Variants in AP3B2 observed in about 807,000 individuals in gnomAD.
AP3B2 encodes the protein AP-3 complex subunit beta-2.
AP3B2 carries 50 observed loss-of-function variants against 126.9 expected under a neutral mutation model. The observed-to-expected ratio is 0.39, with a 90% CI of 0.31 to 0.50. AP3B2 has a LOEUF of 0.50. AP3B2 is among the 20% of genes least tolerant of loss of function. The pLI, the probability that AP3B2 is intolerant of heterozygous loss-of-function variation, is 0.79. For synonymous variants in AP3B2, 541 were observed against 565.0 expected (o/e 0.96, Z 0.60); for missense variants, 1,177 against 1,426.4 (o/e 0.83, Z 2.82).
At position 82,676,636 on chromosome 15, in the gene AP3B2, A is replaced by T. The variant is rs2048246443; in HGVS notation, c.1490T>A (p.Val497Glu). Residue 497 changes from valine (V) to glutamate (E), a missense_variant and splice_region_variant, in exon 14 of 27, where the codon GTG becomes GAG. Physicochemically the swap from Val to Glu is moderately radical, Grantham distance 121. Coordinates refer to ENST00000535359, the MANE Select transcript of AP3B2 (RefSeq NM_001278512.2). ...CAGGATGCTGGCTCGGGCCATGGGC[A>T]CCTGTGGTTGTGGGAGAGGAGTGAA... The part of the protein sequence containing the change: ...HLAKLTDNIQ[V>E]PMARASILWL... The T allele has an allele frequency of 6.2e-7, 1 of 1,613,544 alleles. No individual in the cohort carries two copies. The highest frequency in any genetic ancestry group is 1.7e-5 in the Admixed American group (1 of 59,990).
chr15:82,691,724 CAGTAGGGCCTGA>C, intron 1 of AP3B2: 4 of 1,561,454 alleles, frequency 2.6e-6, no homozygotes, highest in Non-Finnish European at 3.5e-6. Context: ...TCACCTGTCT[CAGTAGGGCCTGA>C]AAGGAGAGAA....
chr15:82,691,512 G>A (rs536523776), intron 1 of AP3B2, among the ~76,000 whole-genome samples: 1 of 151,928 alleles, frequency 6.6e-6, no homozygotes, highest in Non-Finnish European at 1.5e-5. Context: ...TATACAACTT[G>A]TTTCTGAACC....
chr15:82,670,748 A>G (rs11635476), intron 14 of AP3B2, among the ~76,000 whole-genome samples: 30,528 of 152,148 alleles, frequency 0.2, 3,726 homozygotes, highest in South Asian at 0.35. Context: ...AAAGGAATCA[A>G]CAAAGAGACA....
intron 4 of AP3B2, among the ~76,000 whole-genome samples, chr15:82,684,475 G>A (rs917413947): frequency 6.6e-6 from 1 of 152,154 alleles, no homozygotes; most frequent in South Asian, 2.1e-4. Context: ...TATGAATTAG[G>A]CTTTGGCTTA....
At chr15:82,693,268 T>C (rs1684497861) in intron 1 of AP3B2, among the ~76,000 whole-genome samples, 2 of 149,668 alleles carry the variant, frequency 1.3e-5, no homozygotes, top group African/African-American at 4.9e-5. Flanking sequence ...TTTTTTTAGA[T>C]GGAATTTTGC....
At chr15:82,669,378 A>G (rs1335752018) in intron 14 of AP3B2, among the ~76,000 whole-genome samples, 1 of 152,256 alleles carries the variant, frequency 6.6e-6, no homozygotes, top group Non-Finnish European at 1.5e-5. Flanking sequence ...GTAAAGTCGC[A>G]GGATACAAAA....
intron 1 of AP3B2, among the ~76,000 whole-genome samples, chr15:82,704,758 T>C (rs1436356617): frequency 6.6e-6 from 1 of 152,268 alleles, no homozygotes; most frequent in East Asian, 1.9e-4. Flanking sequence ...GGAAGCTTCC[T>C]GGACCATCAC....
intron 4 of AP3B2, chr15:82,687,775 A>G (rs2048455434): frequency 6.6e-6 from 1 of 152,250 alleles, no homozygotes; most frequent in South Asian, 2.1e-4. Context: ...TGAAAAGATG[A>G]GCTGGACCTT....
rs1177488968 is a variant in AP3B2, at chr15:82,659,478, G to A, written c.*82C>T. 6.5e-7 allele frequency: 1 copy of A among 1,544,734 alleles called. No individual in the cohort carries two copies. Among genetic ancestry groups the A allele is most frequent in the Non-Finnish European group, 8.8e-7 (1 of 1,132,676 alleles). ...GGCATGAGGAGGATGATGAGAGAGA[G>A]AGAGAAAGATGAGAGAGACTGACAG... On this transcript the variant is annotated 3_prime_UTR_variant, in exon 27 of 27. Transcript: ENST00000535359.
intron 21 of AP3B2, 160 bp downstream of exon 21, chr15:82,663,400 G>T: frequency 2.0e-6 from 2 of 1,003,558 alleles, no homozygotes; most frequent in Non-Finnish European, 3.1e-6. Context: ...CCCAGACCTG[G>T]GGAGGTCAGC....
intron 25 of AP3B2, among the ~76,000 whole-genome samples, chr15:82,660,916 C>T (rs1336892801): frequency 2.0e-5 from 3 of 152,178 alleles, no homozygotes; most frequent in African/African-American, 7.2e-5. Context: ...GCCGTGGTCT[C>T]CCTCAACCCA....
chr15:82,693,074 G>A (rs1362602024), intron 1 of AP3B2, among the ~76,000 whole-genome samples: 4 of 152,016 alleles, frequency 2.6e-5, no homozygotes, highest in Non-Finnish European at 4.4e-5. Flanking sequence ...AACACCACGA[G>A]ACGATGATAA....
intron 10 of AP3B2, among the ~76,000 whole-genome samples, chr15:82,679,356 T>C (rs1025875869): frequency 6.6e-6 from 1 of 152,208 alleles, no homozygotes; most frequent in African/African-American, 2.4e-5. Flanking sequence ...ACTCCTGACC[T>C]CAGGCGATCT....
At position 82,665,465 on chromosome 15, in the gene AP3B2, T is replaced by C. The variant is rs2151430058; in HGVS notation, c.1963A>G (p.Asn655Asp). 1 of 1,610,182 alleles carries C rather than the reference T, an allele frequency of 6.2e-7. No individual in the cohort carries two copies. The highest frequency in any genetic ancestry group is 8.5e-7 in the Non-Finnish European group (1 of 1,178,806). Residue 655 changes from asparagine to aspartate, a missense_variant, in exon 16 of 27, where the codon AAC becomes GAC. Physicochemically the swap from Asn to Asp is conservative, Grantham distance 23 (BLOSUM62 1). Transcript: ENST00000535359. The surrounding 1 kb of genome is among the most constrained non-coding windows in gnomAD (Gnocchi z 4.4). Reference protein sequence around the residue: ...PEEAPDPSVRNVEEEDLSLIE... With the variant: ...PEEAPDPSVRDVEEEDLSLIE... The stretch of plus-strand genomic sequence containing the variant: ...CCCTCCACCCCGCTGACCTCCACGT[T>C]GCGCACAGATGGGTCTGGGGCTTCC...
chr15:82,682,660 T>A (rs1015133089), intron 4 of AP3B2, among the ~76,000 whole-genome samples: 5 of 151,094 alleles, frequency 3.3e-5, no homozygotes, highest in Non-Finnish European at 5.9e-5. Context: ...GAGGCTGAAG[T>A]GAGCTACATA....
rs61213011 is a variant in AP3B2 at position 82,683,047 on chromosome 15, G to GTTTTT, written c.361-1472_361-1468dup. ...AATGTTCACAGCATCTGCACCAGGA[G>GTTTTT]TTTTTTTTTTTTTTTTTTTTTTTTT... On this transcript the variant is annotated intron_variant, in intron 4 of 26. Coordinates refer to ENST00000535359, the MANE Select transcript of AP3B2 (RefSeq NM_001278512.2). 2.6e-3 allele frequency among the ~76,000 whole-genome samples: 203 copies of GTTTTT among 77,720 alleles called. 38 individuals are homozygous for GTTTTT. Among genetic ancestry groups the GTTTTT allele is most frequent in the East Asian group, 4.2e-3 (10 of 2,360 alleles). The allele number at this position is 77,720 out of a possible 152,430, so 51.0% of individuals were successfully genotyped here.
At chr15:82,682,489 C>T (rs578129674) in intron 4 of AP3B2, among the ~76,000 whole-genome samples, 19 of 152,272 alleles carry the variant, frequency 1.2e-4, no homozygotes, top group African/African-American at 4.6e-4. Flanking sequence ...AGGCATACCT[C>T]GGAGATATTG....
Position 82,678,175 on chromosome 15 carries a change from G to A in AP3B2, c.1183-8C>T, listed in dbSNP as rs1443975887. ...GTTGGTCAGCACTTCCAGCTGCAGG[G>A]AGGGTTGGAGAGGCAGAAAATGGGT... On this transcript the variant is annotated splice_region_variant and splice_polypyrimidine_tract_variant and intron_variant, in intron 10 of 26. Transcript: ENST00000535359. 3.1e-6 allele frequency: 5 copies of A among 1,613,594 alleles called. No homozygotes were observed. In the African/African-American group the frequency reaches 6.7e-5, roughly 22 times the overall value.
rs773624293 is a variant in AP3B2, at chr15:82,680,797, A to C, written c.771+40T>G. 10 of 1,609,216 alleles carry C rather than the reference A, an allele frequency of 6.2e-6. No homozygotes were observed. In the South Asian group the frequency reaches 1.1e-4, roughly 18 times the overall value. ...ACGGGTCTGTGGGCGCCTCCCCGGG[A>C]CACACTTCGGCCCGCTCTGCCTGGG... On this transcript the variant is annotated intron_variant, in intron 7 of 26. Transcript: ENST00000535359. The surrounding 1 kb of genome is among the most constrained non-coding windows in gnomAD (Gnocchi z 6.1).
Sources: gnomAD v4.1 joint callset for allele counts (sites outside exome capture counted in the v4.1 genomes callset) on GRCh38, gnomAD v4.1.1 for gene constraint, Gnocchi (gnomAD v3.1) non-coding constraint, MANE v1.5 for transcripts, NCBI Gene and HGNC (gene_info 2026-07-23, HGNC 2026-07-21) for gene names.